The following CSMD1 variants were observed in gnomAD, a reference collection of about 807,000 sequenced individuals.
CSMD1 encodes CUB and sushi domain-containing protein 1.
In CSMD1, 213 loss-of-function variants were observed where a neutral mutation model predicts 417.5. That is an observed-to-expected ratio of 0.51 (90% CI 0.46 to 0.57). CSMD1 has a LOEUF of 0.57. CSMD1 is among the 20% of genes least tolerant of loss of function. The pLI, the probability that CSMD1 is intolerant of heterozygous loss-of-function variation, is 0.00. For synonymous variants in CSMD1, 2,862 were observed against 1,736.8 expected, an observed-to-expected ratio of 1.65 and a Z score of -16.11; for missense variants, 6,923 against 4,529.7, an observed-to-expected ratio of 1.53 and a Z score of -15.17.
At chr8:3,579,688 C>A (rs1213638246) in intron 9 of CSMD1, among the ~76,000 whole-genome samples, 2 of 152,196 alleles carry the variant, frequency 1.3e-5, no homozygotes, top group Admixed American at 6.5e-5. Flanking sequence ...GTAGCTGTCT[C>A]ATCTTAACTT....
At chr8:4,358,983 C>G (rs910687261) in intron 3 of CSMD1, among the ~76,000 whole-genome samples, 1 of 143,966 alleles carries the variant, frequency 6.9e-6, no homozygotes, top group Non-Finnish European at 1.5e-5. Context: ...CACACACACA[C>G]ATTTAAGTTG....
chr8:4,824,321 A>G (rs190979223), intron 1 of CSMD1, among the ~76,000 whole-genome samples: 16 of 152,168 alleles, frequency 1.1e-4, no homozygotes, highest in African/African-American at 3.6e-4. Context: ...ACTTTGTGTT[A>G]TTTGGTTGGG....
chr8:3,569,784 T>C (rs17395021), intron 10 of CSMD1, among the ~76,000 whole-genome samples: 16,400 of 152,246 alleles, frequency 0.11, 1,057 homozygotes, highest in Non-Finnish European at 0.14. Context: ...ATTTGGATGG[T>C]AATTCTGCTT....
intron 5 of CSMD1, among the ~76,000 whole-genome samples, chr8:3,860,187 G>C (rs371033865): frequency 3.3e-5 from 5 of 152,244 alleles, no homozygotes; most frequent in African/African-American, 1.2e-4. Flanking sequence ...GAAAGTTTGA[G>C]TGATTCATAT....
At chr8:4,806,829 A>T (rs996447478) in intron 1 of CSMD1, among the ~76,000 whole-genome samples, 2 of 152,200 alleles carry the variant, frequency 1.3e-5, no homozygotes, top group African/African-American at 4.8e-5. Context: ...GGAAGCAGTA[A>T]AAGATGAAGG....
intron 1 of CSMD1, among the ~76,000 whole-genome samples, chr8:4,679,247 C>A (rs775915143): frequency 6.6e-6 from 1 of 152,116 alleles, no homozygotes; most frequent in Non-Finnish European, 1.5e-5. Context: ...TTCCTGAGTC[C>A]AGCTGCTGAC....
At chr8:4,369,470 T>C (rs1389571923) in intron 3 of CSMD1, among the ~76,000 whole-genome samples, 1 of 152,170 alleles carries the variant, frequency 6.6e-6, no homozygotes, top group East Asian at 1.9e-4. Flanking sequence ...ATTAGTCAAG[T>C]GTCAAGGTTA....
chr8:3,527,044 G>C (rs1351569), intron 10 of CSMD1, among the ~76,000 whole-genome samples: 125,613 of 151,996 alleles, frequency 0.83, 52,349 homozygotes, highest in African/African-American at 0.94. Flanking sequence ...TGCAGTTGTC[G>C]TATGCATGCC....
intron 1 of CSMD1, among the ~76,000 whole-genome samples, chr8:4,764,371 C>CA (rs1035366513): frequency 6.6e-6 from 1 of 152,152 alleles, no homozygotes; most frequent in African/African-American, 2.4e-5. Context: ...AAGGAGCAAT[C>CA]ATGAGATTAA....
intron 2 of CSMD1, among the ~76,000 whole-genome samples, chr8:4,499,622 T>A (rs1419237085): frequency 6.6e-6 from 1 of 152,270 alleles, no homozygotes; most frequent in African/African-American, 2.4e-5. Flanking sequence ...AATACATTAT[T>A]ACTTCATTAT....
intron 3 of CSMD1, among the ~76,000 whole-genome samples, chr8:4,079,439 A>G (rs1292982087): frequency 6.6e-6 from 1 of 152,232 alleles, no homozygotes; most frequent in Non-Finnish European, 1.5e-5. Flanking sequence ...ATAGAACACC[A>G]TCAGGCAGCT....
intron 3 of CSMD1, among the ~76,000 whole-genome samples, chr8:4,411,278 G>C (rs1796637978): frequency 6.6e-6 from 1 of 152,010 alleles, no homozygotes. Context: ...GCTCTATGGA[G>C]TTAACTTGCC....
At chr8:4,039,095 T>C (rs1797759358) in intron 3 of CSMD1, among the ~76,000 whole-genome samples, 1 of 152,152 alleles carries the variant, frequency 6.6e-6, no homozygotes, top group South Asian at 2.1e-4. Context: ...GGGACAAGGC[T>C]ATCGAAAGGA....
At chr8:3,523,388 G>A (rs1413430116) in intron 10 of CSMD1, among the ~76,000 whole-genome samples, 1 of 152,204 alleles carries the variant, frequency 6.6e-6, no homozygotes, top group African/African-American at 2.4e-5. Context: ...GAGGGACAAA[G>A]AAAGCTCTCA....
intron 23 of CSMD1, among the ~76,000 whole-genome samples, chr8:3,338,947 C>T (rs962287085): frequency 6.6e-6 from 1 of 151,330 alleles, no homozygotes; most frequent in African/African-American, 2.4e-5. Context: ...AACTCGTCAT[C>T]TAGCATTACG....
At chr8:3,808,027 A>G (rs1222795177) in intron 5 of CSMD1, among the ~76,000 whole-genome samples, 2 of 152,154 alleles carry the variant, frequency 1.3e-5, no homozygotes, top group South Asian at 2.1e-4. Context: ...CTTGAGCTCT[A>G]TTTTTAAATT....
rs559052677 is a variant in CSMD1, at chr8:3,923,588, T to C, written c.818+74315A>G. On this transcript the variant is annotated intron_variant, in intron 5 of 69. Transcript: ENST00000635120. ...AATTAAATGAAGCTAATTAACATAC[T>C]CATCACCTCATATACTCACCATTTT... Among the ~76,000 whole-genome samples the C allele has an allele frequency of 2.5e-4, 38 of 152,290 alleles. No individual in the cohort carries two copies. The South Asian group carries it at 3.9e-3, about 16-fold the overall frequency.
At chr8:4,290,698 G>A (rs571922598) in intron 3 of CSMD1, among the ~76,000 whole-genome samples, 29 of 152,290 alleles carry the variant, frequency 1.9e-4, no homozygotes, top group Non-Finnish European at 3.7e-4. Flanking sequence ...ACAAAATAAT[G>A]AGCATATGAC....
At chr8:4,871,005 G>T (rs181838250) in intron 1 of CSMD1, among the ~76,000 whole-genome samples, 4 of 152,078 alleles carry the variant, frequency 2.6e-5, no homozygotes, top group Non-Finnish European at 4.4e-5. Flanking sequence ...GTCTGGTCTG[G>T]GTGTCAGAGC....
Sources: gnomAD v4.1 joint callset for allele counts (sites outside exome capture counted in the v4.1 genomes callset) on GRCh38, gnomAD v4.1.1 for gene constraint, MANE v1.5 for transcripts, NCBI Gene and HGNC (gene_info 2026-07-23, HGNC 2026-07-21) for gene names.